LRRC4C: variants seen among roughly 807,000 people sequenced by gnomAD.
The protein encoded by LRRC4C is leucine rich repeat containing 4C, also known as leucine-rich repeat-containing protein 4C.
LRRC4C carries 5 observed loss-of-function variants against 33.6 expected under a neutral mutation model. The ratio of observed to expected loss-of-function variants is 0.15; its 90% CI spans 0.08 to 0.31. LRRC4C has a LOEUF of 0.31. LRRC4C is among the 10% of genes least tolerant of loss of function. The pLI is 1.00. For missense variants in LRRC4C, 560 were observed against 796.7 expected (o/e 0.70, Z 3.58); for synonymous variants, 329 against 302.0 (o/e 1.09, Z -0.93).
chr11:40,133,848 A>T (rs1331978581), intron 6 of LRRC4C, among the ~76,000 whole-genome samples: 1 of 152,194 alleles, frequency 6.6e-6, no homozygotes, highest in Non-Finnish European at 1.5e-5. Flanking sequence ...AGAGAAAAAA[A>T]AACAGGCACT....
chr11:40,362,814 T>C (rs546251302), intron 3 of LRRC4C, among the ~76,000 whole-genome samples: 1 of 152,244 alleles, frequency 6.6e-6, no homozygotes, highest in Admixed American at 6.5e-5. Context: ...TACATGAAAA[T>C]GCTCAACATC....
chr11:40,303,308 G>A (rs1018675416), intron 4 of LRRC4C, among the ~76,000 whole-genome samples: 12 of 152,148 alleles, frequency 7.9e-5, no homozygotes, highest in Non-Finnish European at 1.2e-4. Flanking sequence ...GTTTGTGTAT[G>A]TGTGTGAGTG....
At chr11:41,118,947 T>A (rs1487156382) in intron 1 of LRRC4C, among the ~76,000 whole-genome samples, 1 of 152,188 alleles carries the variant, frequency 6.6e-6, no homozygotes, top group African/African-American at 2.4e-5. Context: ...CTCCTGTGTT[T>A]TTTTTCTCTG....
chr11:40,472,844 T>C (rs1422808073), intron 3 of LRRC4C, among the ~76,000 whole-genome samples: 1 of 152,008 alleles, frequency 6.6e-6, no homozygotes, highest in African/African-American at 2.4e-5. Context: ...ACAAATAAAC[T>C]AGAAAATCTA....
chr11:41,065,520 G>T (rs1441574777), intron 1 of LRRC4C, among the ~76,000 whole-genome samples: 1 of 152,160 alleles, frequency 6.6e-6, no homozygotes, highest in African/African-American at 2.4e-5. Context: ...GAGAGTGGCT[G>T]ATCCTGACAA....
intron 1 of LRRC4C, among the ~76,000 whole-genome samples, chr11:41,218,770 T>A (rs1017009463): frequency 6.9e-6 from 1 of 143,910 alleles, no homozygotes; most frequent in African/African-American, 2.6e-5. Flanking sequence ...GTCATTTTTT[T>A]TTTTTTTTTT....
intron 3 of LRRC4C, among the ~76,000 whole-genome samples, chr11:40,580,580 C>T (rs1230233522): frequency 6.6e-6 from 1 of 151,892 alleles, no homozygotes; most frequent in Non-Finnish European, 1.5e-5. Flanking sequence ...ATCTATAACC[C>T]AAAATAAGTA....
intron 1 of LRRC4C, among the ~76,000 whole-genome samples, chr11:41,148,786 A>G (rs1348470742): frequency 6.6e-6 from 1 of 152,054 alleles, no homozygotes; most frequent in East Asian, 2.0e-4. Context: ...CTGAATTGGG[A>G]AAAATGGCAT....
chr11:40,319,897 A>T (rs1002213381), intron 3 of LRRC4C, among the ~76,000 whole-genome samples, 176 bp from the exon 4 acceptor site: 1 of 152,120 alleles, frequency 6.6e-6, no homozygotes, highest in African/African-American at 2.4e-5. Flanking sequence ...AGACATGGGT[A>T]AACTATAGCA....
intron 1 of LRRC4C, among the ~76,000 whole-genome samples, chr11:40,990,168 C>T (rs889787769): frequency 2.1e-5 from 3 of 145,102 alleles, no homozygotes; most frequent in South Asian, 4.4e-4. Flanking sequence ...TACAGTACTA[C>T]AACTGGACCA....
At chr11:40,908,296 C>A (rs1454890650) in intron 2 of LRRC4C, among the ~76,000 whole-genome samples, 7 of 152,012 alleles carry the variant, frequency 4.6e-5, no homozygotes, top group Non-Finnish European at 2.9e-5. Context: ...TACATGTAGA[C>A]ATAATGCCAC....
At chr11:40,410,062 T>C (rs1040737622) in intron 3 of LRRC4C, among the ~76,000 whole-genome samples, 4 of 152,092 alleles carry the variant, frequency 2.6e-5, no homozygotes, top group Non-Finnish European at 5.9e-5. Flanking sequence ...CTTGCACTTG[T>C]TTACGTATAG....
At chr11:40,671,847 A>G (rs1944138704) in intron 2 of LRRC4C, among the ~76,000 whole-genome samples, 2 of 152,122 alleles carry the variant, frequency 1.3e-5, no homozygotes, top group Admixed American at 1.3e-4. Context: ...ATTTCTAAGT[A>G]CATTCATTGT....
chr11:41,255,553 A>G (rs1481001498), intron 1 of LRRC4C, among the ~76,000 whole-genome samples: 1 of 151,884 alleles, frequency 6.6e-6, no homozygotes, highest in Non-Finnish European at 1.5e-5. Flanking sequence ...TTCTGTATTC[A>G]TTTTTATGTA....
intron 3 of LRRC4C, among the ~76,000 whole-genome samples, chr11:40,627,094 G>A (rs1343239843): frequency 1.4e-5 from 1 of 70,570 alleles, no homozygotes; most frequent in Non-Finnish European, 2.9e-5. Flanking sequence ...TTTTTTTTTT[G>A]GTTGGTGGGG....
chr11:40,670,683 G>C (rs1257229859), intron 2 of LRRC4C, among the ~76,000 whole-genome samples: 1 of 152,148 alleles, frequency 6.6e-6, no homozygotes, highest in Non-Finnish European at 1.5e-5. Context: ...TAGTCAGTTT[G>C]GCCACTTACC....
At chr11:41,360,026 T>TA (rs1408943420) in intron 1 of LRRC4C, among the ~76,000 whole-genome samples, 3 of 152,110 alleles carry the variant, frequency 2.0e-5, no homozygotes, top group Admixed American at 1.3e-4. Context: ...CTACTAAAAA[T>TA]ACAAAAATTA....
At chr11:40,816,897 C>T (rs981234795) in intron 2 of LRRC4C, among the ~76,000 whole-genome samples, 8 of 152,068 alleles carry the variant, frequency 5.3e-5, no homozygotes, top group Admixed American at 2.6e-4. Context: ...AGGCTTTCCA[C>T]GTATAGGTAG....
At chr11:40,736,643 G>A (rs369938211) in intron 2 of LRRC4C, among the ~76,000 whole-genome samples, 61 of 152,182 alleles carry the variant, frequency 4.0e-4, no homozygotes, top group African/African-American at 1.4e-3. Context: ...GTGTAAAAGC[G>A]TTCCTACTTC....
Sources: gnomAD v4.1 joint callset for allele counts (sites outside exome capture counted in the v4.1 genomes callset) on GRCh38, gnomAD v4.1.1 for gene constraint, MANE v1.5 for transcripts, NCBI Gene and HGNC (gene_info 2026-07-23, HGNC 2026-07-21) for gene names.